Variants in MAPK6 observed in about 807,000 individuals in gnomAD.
The protein encoded by MAPK6 is mitogen-activated protein kinase 6, also known as ERK-3.
MAPK6 carries 19 observed loss-of-function variants against 59.3 expected under a neutral mutation model. The ratio of observed to expected loss-of-function variants is 0.32; its 90% CI spans 0.22 to 0.47. MAPK6 has a LOEUF of 0.47. MAPK6 is among the 20% of genes least tolerant of loss of function. The probability of loss-of-function intolerance (pLI) is 1.00; values close to 1 mark genes in which losing one functional copy is unlikely to be tolerated. For synonymous variants in MAPK6, 316 were observed against 290.3 expected (o/e 1.09, Z -0.90); for missense variants, 724 against 847.9 (o/e 0.85, Z 1.81).
intron 1 of MAPK6, among the ~76,000 whole-genome samples, chr15:52,025,128 C>G (rs765678763): frequency 6.6e-6 from 1 of 152,030 alleles, no homozygotes; most frequent in African/African-American, 2.4e-5. Context: ...TTAGTCCCAG[C>G]TACTTATGAG....
chr15:51,984,447 A>ATTTTTTTTTTTT lies in MAPK6; in HGVS notation c.-770+1150_-770+1161dup, dbSNP rs71130112. Among the ~76,000 whole-genome samples the ATTTTTTTTTTTT allele has an allele frequency of 8.9e-4, 62 of 69,978 alleles. 1 individual carries two copies. The highest frequency in any genetic ancestry group is 2.7e-3 in the African/African-American group (40 of 15,090). The allele number at this position is 69,978 out of a possible 152,430, so 45.9% of individuals were successfully genotyped here. On this transcript the variant is annotated intron_variant, in intron 2 of 7. Transcript: ENST00000691380. ...CAGGCGCCTGCCAACACGCCGGCTA[A>ATTTTTTTTTTTT]TTTTTTTTTTTTTTTTTTTTTTTTT...
upstream of MAPK6, among the ~76,000 whole-genome samples, chr15:52,014,879 A>G (rs1234263621): frequency 1.3e-5 from 2 of 152,228 alleles, no homozygotes; most frequent in Non-Finnish European, 2.9e-5. Context: ...TCTTCTGGGC[A>G]ATGCTCTCTT....
chr15:51,983,299 C>A (rs2057180323), exon 2 of MAPK6, among the ~76,000 whole-genome samples: 1 of 151,654 alleles, frequency 6.6e-6, no homozygotes, highest in African/African-American at 2.4e-5. Flanking sequence ...CCAGCCTGAC[C>A]AACATGGAGA....
chr15:52,019,686 C>A (rs1347681276), intron 1 of MAPK6, among the ~76,000 whole-genome samples: 2 of 148,726 alleles, frequency 1.3e-5, no homozygotes, highest in Non-Finnish European at 3.0e-5. Flanking sequence ...CCCGGCACGC[C>A]CCTCGCCGGT....
intron 1 of MAPK6, among the ~76,000 whole-genome samples, chr15:52,042,494 C>A (rs557522769): frequency 2.0e-5 from 3 of 152,056 alleles, no homozygotes; most frequent in African/African-American, 7.2e-5. Flanking sequence ...AAGGCACTCG[C>A]ATCCTTGAAG....
chr15:52,055,009 A>G (rs996262483), intron 3 of MAPK6, among the ~76,000 whole-genome samples: 1 of 152,170 alleles, frequency 6.6e-6, no homozygotes, highest in Non-Finnish European at 1.5e-5. Context: ...CAAATTCCTG[A>G]CCTCAGGTGA....
intron 5 of MAPK6, 76 bp from the exon 6 acceptor site, chr15:52,063,826 C>T: frequency 7.5e-7 from 1 of 1,330,690 alleles, no homozygotes. Context: ...ACAGTGCTGT[C>T]ACATAGAAGG....
chr15:52,033,908 C>G (rs1482698159), intron 1 of MAPK6: 1 of 151,374 alleles, frequency 6.6e-6, no homozygotes, highest in Non-Finnish European at 1.5e-5. Flanking sequence ...AATCAGCTAT[C>G]ATTCTTATTA....
At chr15:51,995,058 G>A (rs1038816677) in intron 2 of MAPK6, among the ~76,000 whole-genome samples, 1 of 152,234 alleles carries the variant, frequency 6.6e-6, no homozygotes. Flanking sequence ...CACAGTTTAA[G>A]CTTTGCAAGA....
At chr15:51,981,296 AC>A (rs2057172101) in intron 1 of MAPK6, among the ~76,000 whole-genome samples, 1 of 151,618 alleles carries the variant, frequency 6.6e-6, no homozygotes, top group Non-Finnish European at 1.5e-5. Flanking sequence ...ACACGGTGAA[AC>A]CCCGTCTCTA....
intron 1 of MAPK6, among the ~76,000 whole-genome samples, chr15:52,023,776 T>A (rs1446545533): frequency 6.6e-6 from 1 of 152,182 alleles, no homozygotes; most frequent in Non-Finnish European, 1.5e-5. Context: ...CATGACCAGC[T>A]AATTTTTGTA....
intron 3 of MAPK6, among the ~76,000 whole-genome samples, chr15:52,053,981 G>T (rs570080456): frequency 2.6e-5 from 4 of 151,746 alleles, no homozygotes. Context: ...TTTTTCTTTT[G>T]TCTCTTTTGT....
intron 1 of MAPK6, among the ~76,000 whole-genome samples, chr15:52,043,742 ATTTTTTTTTTTTTTTTTTTTTT>A (rs71130125): frequency 2.2e-4 from 9 of 40,630 alleles, no homozygotes; most frequent in African/African-American, 8.1e-4. Context: ...AAGTTGTTTG[ATTTTTTTTTTTTTTTTTTTTTT>A]TTTTTTTTTT....
intron 3 of MAPK6, among the ~76,000 whole-genome samples, chr15:52,052,299 C>T (rs1331414767): frequency 3.3e-5 from 5 of 152,168 alleles, no homozygotes; most frequent in Admixed American, 6.5e-5. Flanking sequence ...TGGGCTTCTC[C>T]ATAGGACTGC....
Position 52,066,179 on chromosome 15 carries a change from A to T in MAPK6, c.*1179A>T. 6.6e-6 allele frequency: 1 copy of T among 152,530 alleles called. No homozygotes were observed. Among genetic ancestry groups the T allele is most frequent in the Non-Finnish European group, 1.5e-5 (1 of 68,042 alleles). The allele number at this position is 152,530 out of a possible 1,614,324, so 9.4% of individuals were successfully genotyped here. A position where few individuals can be genotyped will look rare whatever the true frequency, so the allele number is the denominator to read the frequency against. On this transcript the variant is annotated 3_prime_UTR_variant, in exon 6 of 6. Transcript: ENST00000261845. ...ATCGCAGTCTCTTAGAATTTGTTTC[A>T]TCTATTTTATTTTATTGAATACTGT...
In MAPK6 at chr15:52,064,857, G is replaced by A. The variant is rs752870440; in HGVS notation, c.2023G>A (p.Glu675Lys). The part of the protein sequence containing the change: ...SGEFLFNKQL[E>K]SIGIPQFHSP... The stretch of plus-strand genomic sequence containing the variant: ...GGAGTTCCTCTTTAACAAGCAGCTC[G>A]AGTCCATAGGCATCCCACAGTTTCA... The change falls in exon 6 of 6, where the codon GAG becomes AAG. Residue 675 changes from glutamate (E) to lysine (K), a missense_variant. Glu to Lys is a moderately conservative substitution (Grantham distance 56). Coordinates refer to ENST00000261845, the MANE Select transcript of MAPK6 (RefSeq NM_002748.4). 16 of 1,611,804 alleles carry A rather than the reference G, an allele frequency of 9.9e-6. No individual in the cohort carries two copies. The East Asian group carries it at 2.0e-4, about 20-fold the overall frequency.
At chr15:52,037,451 T>C (rs2031279994) in intron 1 of MAPK6, among the ~76,000 whole-genome samples, 1 of 152,228 alleles carries the variant, frequency 6.6e-6, no homozygotes, top group African/African-American at 2.4e-5. Flanking sequence ...TTGCATATCT[T>C]CATTATACCT....
At position 52,032,204 on chromosome 15, in the gene MAPK6, T is replaced by C. The variant is rs2031065263; in HGVS notation, c.-632+12828T>C. Among the ~76,000 whole-genome samples, 4 of 146,140 alleles carry C rather than the reference T, an allele frequency of 2.7e-5. No individual in the cohort carries two copies. In the South Asian group the frequency reaches 8.8e-4, roughly 32 times the overall value. ...ATTTTTAATTTTTTTTTTTTTTTTT[T>C]TTTTTGAGACAGAGTCTTGCTCTGT... is the stretch of plus-strand genomic sequence containing the variant. On this transcript the variant is annotated intron_variant, in intron 1 of 5. Transcript: ENST00000261845.
At chr15:52,006,301 T>C (rs1249655965) in intron 3 of MAPK6, among the ~76,000 whole-genome samples, 2 of 152,156 alleles carry the variant, frequency 1.3e-5, no homozygotes, top group African/African-American at 2.4e-5. Flanking sequence ...TAATTCTCCC[T>C]GGAAACCGTA....
Sources: gnomAD v4.1 joint callset for allele counts (sites outside exome capture counted in the v4.1 genomes callset) on GRCh38, gnomAD v4.1.1 for gene constraint, MANE v1.5 for transcripts, NCBI Gene and HGNC (gene_info 2026-07-23, HGNC 2026-07-21) for gene names.